INPP4B: variants seen among roughly 807,000 people sequenced by gnomAD.
INPP4B encodes the protein inositol polyphosphate 4-phosphatase type II.
A neutral mutation model predicts 122.5 loss-of-function variants in INPP4B; 55 were observed. The ratio of observed to expected loss-of-function variants is 0.45; its 90% confidence interval spans 0.36 to 0.56. INPP4B has a LOEUF of 0.56. Among genes scored for constraint, INPP4B ranks in the 20% least tolerant of loss-of-function variants. The probability of loss-of-function intolerance (pLI) is 0.00; values close to 1 mark genes in which losing one functional copy is unlikely to be tolerated. For synonymous variants in INPP4B, 403 were observed against 388.7 expected, an observed-to-expected ratio of 1.04 and a Z score of -0.43; for missense variants, 1,000 against 1,097.7, an observed-to-expected ratio of 0.91 and a Z score of 1.26.
intron 3 of INPP4B, among the ~76,000 whole-genome samples, chr4:142,439,136 C>T (rs539370323): frequency 8.5e-4 from 130 of 152,240 alleles, no homozygotes; most frequent in African/African-American, 2.9e-3. Flanking sequence ...CCTCCTAGAT[C>T]GCTCCAAGTG....
At chr4:142,122,011 GA>G (rs986325440) in intron 21 of INPP4B, 116 bp downstream of exon 21, 7 of 688,264 alleles carry the variant, frequency 1.0e-5, no homozygotes, top group East Asian at 8.4e-5. Context: ...AAAAGGAAAA[GA>G]AAAAAAACAA....
At chr4:142,633,532 T>G (rs143194720) in intron 2 of INPP4B, among the ~76,000 whole-genome samples, 4 of 152,156 alleles carry the variant, frequency 2.6e-5, no homozygotes, top group African/African-American at 7.2e-5. Flanking sequence ...CAAAACAGTA[T>G]GTGTACACAG....
chr4:142,679,371 T>C (rs1758265011), intron 2 of INPP4B, among the ~76,000 whole-genome samples: 10 of 151,902 alleles, frequency 6.6e-5, no homozygotes, highest in Admixed American at 6.6e-4. Flanking sequence ...TGAGGGTATT[T>C]GTTTGTCCTC....
rs866986120 is a variant in INPP4B, at chr4:142,333,020, A to C, written c.373-18258T>G. On this transcript the variant is annotated intron_variant, in intron 7 of 25. Coordinates refer to ENST00000262992, the MANE Select transcript of INPP4B (RefSeq NM_001101669.3). ...AGCAAGACTCCGTCTCAAAAAAAAA[A>C]AAAAAAACAAAAAAAAAACCTTCTA... Among the ~76,000 whole-genome samples, 619 of 150,452 alleles carry C rather than the reference A, an allele frequency of 4.1e-3. 12 individuals carry two copies. The highest frequency in any genetic ancestry group is 0.014 in the African/African-American group (562 of 40,768).
chr4:142,528,215 C>T (rs1266295425), intron 2 of INPP4B, among the ~76,000 whole-genome samples: 1 of 152,068 alleles, frequency 6.6e-6, no homozygotes, highest in Non-Finnish European at 1.5e-5. Context: ...CCCCAACACA[C>T]AGCAGCTTAA....
chr4:142,610,593 G>A (rs1412353432), intron 2 of INPP4B, among the ~76,000 whole-genome samples: 2 of 152,100 alleles, frequency 1.3e-5, no homozygotes, highest in African/African-American at 4.8e-5. Context: ...TAGACAGAGT[G>A]TTCCCTATAT....
chr4:142,097,088 A>C (rs1299628202), intron 23 of INPP4B, among the ~76,000 whole-genome samples: 1 of 152,078 alleles, frequency 6.6e-6, no homozygotes, highest in Non-Finnish European at 1.5e-5. Flanking sequence ...ATTTTAAATA[A>C]AATTAATTTA....
chr4:142,123,516 A>C, intron 19 of INPP4B, 101 bp from the exon 20 acceptor site: 6 of 1,085,820 alleles, frequency 5.5e-6, no homozygotes, highest in South Asian at 1.6e-5. Flanking sequence ...TTCGATTATC[A>C]GGTATGTATA....
At chr4:142,180,485 G>A (rs1215940000) in intron 15 of INPP4B, among the ~76,000 whole-genome samples, 1 of 151,874 alleles carries the variant, frequency 6.6e-6, no homozygotes, top group Non-Finnish European at 1.5e-5. Flanking sequence ...TAATCATTGG[G>A]TACATATATG....
chr4:142,808,231 T>G (rs2151113931), intron 1 of INPP4B, among the ~76,000 whole-genome samples: 1 of 152,338 alleles, frequency 6.6e-6, no homozygotes, highest in South Asian at 2.1e-4. Context: ...TAACAAATGT[T>G]GAAAATAATT....
intron 1 of INPP4B, among the ~76,000 whole-genome samples, chr4:142,778,886 C>T (rs1774343360): frequency 6.6e-6 from 1 of 152,058 alleles, no homozygotes; most frequent in South Asian, 2.1e-4. Context: ...GTAAGCAACA[C>T]ATGACATAAT....
chr4:142,516,743 A>C (rs569295964), intron 2 of INPP4B, among the ~76,000 whole-genome samples: 1 of 151,338 alleles, frequency 6.6e-6, no homozygotes, highest in East Asian at 1.9e-4. Context: ...CAGTGAGGTC[A>C]GGGCATTCAT....
chr4:142,837,477 T>A (rs1012428673), intron 1 of INPP4B, among the ~76,000 whole-genome samples: 5 of 152,124 alleles, frequency 3.3e-5, no homozygotes, highest in Admixed American at 1.3e-4. Context: ...ACTTAACCTC[T>A]CAAAAAATAA....
chr4:142,618,721 A>G (rs1744225886), intron 2 of INPP4B, among the ~76,000 whole-genome samples: 1 of 152,044 alleles, frequency 6.6e-6, no homozygotes, highest in African/African-American at 2.4e-5. Context: ...TGAATGCAAA[A>G]CTAGGCAAAT....
chr4:142,187,407 T>G (rs1833633806), intron 15 of INPP4B, among the ~76,000 whole-genome samples: 1 of 152,040 alleles, frequency 6.6e-6, no homozygotes, highest in Admixed American at 6.6e-5. Context: ...GAGACTGACA[T>G]TTTTAAATTT....
chr4:142,769,250 G>A (rs540777521), intron 1 of INPP4B, among the ~76,000 whole-genome samples: 19 of 152,242 alleles, frequency 1.2e-4, no homozygotes, highest in South Asian at 1.0e-3. Context: ...TGGCTTTGAA[G>A]GGTCTACCTA....
In INPP4B at chr4:142,737,290, T is replaced by G. The variant is rs989458933; in HGVS notation, c.-253-11389A>C. On this transcript the variant is annotated intron_variant, in intron 1 of 25. Transcript: ENST00000262992. ...TATAGACCAATGGAACAGAACAGAG[T>G]CCTCAGAAATAATGCCACATATCTA... Among the ~76,000 whole-genome samples, 183 of 151,476 alleles carry G rather than the reference T, an allele frequency of 1.2e-3. 1 individual carries two copies. In the Middle Eastern group the frequency reaches 0.014, roughly 11 times the overall value.
At chr4:142,294,552 G>A (rs555611736) in intron 9 of INPP4B, among the ~76,000 whole-genome samples, 1 of 152,058 alleles carries the variant, frequency 6.6e-6, no homozygotes, top group South Asian at 2.1e-4. Context: ...CACGCACGGG[G>A]AGCAATCTAA....
chr4:142,082,572 A>T (rs1340340279), intron 24 of INPP4B, among the ~76,000 whole-genome samples: 1 of 152,176 alleles, frequency 6.6e-6, no homozygotes, highest in Non-Finnish European at 1.5e-5. Context: ...CAACCAACCA[A>T]AAAACTATAT....
Sources: allele counts gnomAD v4.1 joint callset (sites outside exome capture counted in the v4.1 genomes callset), GRCh38; gene constraint gnomAD v4.1.1; transcripts MANE v1.5; gene names NCBI Gene and HGNC (gene_info 2026-07-23, HGNC 2026-07-21).